Variants in CTNNA2 observed in about 807,000 individuals in gnomAD.
CTNNA2 encodes the protein catenin alpha-2.
In CTNNA2, 42 loss-of-function variants were observed where a neutral mutation model predicts 101.0. That is an observed-to-expected ratio of 0.42 (90% CI 0.32 to 0.54). CTNNA2 has a LOEUF of 0.54. Ranked by LOEUF, CTNNA2 falls within the 20% of genes least tolerant of loss-of-function variation. The pLI is 0.14. For missense variants in CTNNA2, 871 were observed against 1,223.1 expected (o/e 0.71, Z 4.29); for synonymous variants, 450 against 456.4 (o/e 0.99, Z 0.18).
intron 2 of CTNNA2, among the ~76,000 whole-genome samples, chr2:79,246,404 T>A (rs986901804): frequency 2.6e-5 from 4 of 152,230 alleles, no homozygotes; most frequent in African/African-American, 9.6e-5. Flanking sequence ...ATTTTGCAGC[T>A]GAGATTCTAT....
chr2:79,495,289 G>A (rs1316788124), intron 4 of CTNNA2, among the ~76,000 whole-genome samples: 1 of 152,114 alleles, frequency 6.6e-6, no homozygotes, highest in Non-Finnish European at 1.5e-5. Context: ...TTTGAATAAT[G>A]TAATTTTTAA....
intron 3 of CTNNA2, among the ~76,000 whole-genome samples, chr2:79,803,177 A>G (rs1175444449): frequency 1.3e-5 from 2 of 152,154 alleles, no homozygotes; most frequent in East Asian, 3.9e-4. Context: ...TTCTTCATTC[A>G]TACTCTTCTT....
intron 7 of CTNNA2, among the ~76,000 whole-genome samples, chr2:79,954,467 T>C (rs558123723): frequency 6.6e-6 from 1 of 152,330 alleles, no homozygotes; most frequent in Admixed American, 6.5e-5. Context: ...CATTTCTCTG[T>C]GTTACAGATG....
chr2:80,103,132 T>C (rs1036120139), intron 7 of CTNNA2, among the ~76,000 whole-genome samples: 4 of 152,148 alleles, frequency 2.6e-5, no homozygotes, highest in African/African-American at 9.7e-5. Context: ...TACCTCTTTA[T>C]TAGTCCACTC....
At chr2:80,547,987 C>T (rs1024838350) in intron 11 of CTNNA2, among the ~76,000 whole-genome samples, 9 of 152,084 alleles carry the variant, frequency 5.9e-5, no homozygotes, top group African/African-American at 1.7e-4. Flanking sequence ...CCATCGCGCC[C>T]AGCCCATTTC....
At chr2:80,024,646 T>C (rs1249708720) in intron 7 of CTNNA2, among the ~76,000 whole-genome samples, 1 of 152,188 alleles carries the variant, frequency 6.6e-6, no homozygotes, top group African/African-American at 2.4e-5. Context: ...GGGAGCAGGC[T>C]CTGTGTGGGC....
chr2:80,078,413 A>G (rs948339268), intron 7 of CTNNA2, among the ~76,000 whole-genome samples: 3 of 152,184 alleles, frequency 2.0e-5, no homozygotes, highest in East Asian at 3.9e-4. Flanking sequence ...CTCCAGGAAG[A>G]GGAAATAGCT....
At chr2:80,164,267 A>AT in intron 7 of CTNNA2, among the ~76,000 whole-genome samples, 1 of 151,368 alleles carries the variant, frequency 6.6e-6, no homozygotes, top group Non-Finnish European at 1.5e-5. Flanking sequence ...TTACTTGATC[A>AT]TTTTTTCTTT....
chr2:79,829,422 A>ACACACACAC (rs1553376366), intron 3 of CTNNA2, among the ~76,000 whole-genome samples: 14 of 123,978 alleles, frequency 1.1e-4, no homozygotes, highest in East Asian at 8.1e-4. Context: ...CACAGACACA[A>ACACACACAC]AGCCGGGCGA....
chr2:79,763,400 C>G (rs1672932645), intron 3 of CTNNA2, among the ~76,000 whole-genome samples: 1 of 152,114 alleles, frequency 6.6e-6, no homozygotes, highest in South Asian at 2.1e-4. Flanking sequence ...TTCTGTGTAG[C>G]TTTTTCTCCA....
chr2:80,306,403 T>C (rs1213669655), intron 7 of CTNNA2, among the ~76,000 whole-genome samples: 2 of 63,314 alleles, frequency 3.2e-5, no homozygotes, highest in African/African-American at 5.3e-5. Flanking sequence ...TCTTTTCTTT[T>C]CTTTCTTTCT....
At chr2:79,650,254 G>A (rs1419340352) in intron 1 of CTNNA2, among the ~76,000 whole-genome samples, 2 of 151,594 alleles carry the variant, frequency 1.3e-5, no homozygotes, top group African/African-American at 4.8e-5. Context: ...GTGGTTCTTA[G>A]GTAAGAGAGG....
intron 6 of CTNNA2, 35 bp from the exon 7 acceptor site, chr2:79,909,559 G>A: frequency 6.4e-7 from 1 of 1,554,196 alleles, no homozygotes; most frequent in Non-Finnish European, 8.8e-7. Context: ...TCTCTTCTCT[G>A]CTGATTTTTG....
At chr2:80,543,099 G>A (rs1327461475) in intron 9 of CTNNA2, among the ~76,000 whole-genome samples, 2 of 152,164 alleles carry the variant, frequency 1.3e-5, no homozygotes, top group East Asian at 3.9e-4. Context: ...GTTACACTAA[G>A]TTTACAAGCT....
At chr2:79,869,996 T>C (rs1444152158) in intron 5 of CTNNA2, 61 bp downstream of exon 5, 1 of 1,579,998 alleles carries the variant, frequency 6.3e-7, no homozygotes, top group African/African-American at 1.4e-5. Context: ...ACCCTGTAGC[T>C]TTTTAGGCCT....
chr2:79,892,764 T>G (rs1226569559), intron 6 of CTNNA2, among the ~76,000 whole-genome samples: 2 of 152,198 alleles, frequency 1.3e-5, no homozygotes, highest in African/African-American at 4.8e-5. Context: ...AGAAAGATAT[T>G]TGAGGCCATC....
At chr2:80,320,155 C>CT (rs951008072) in intron 7 of CTNNA2, among the ~76,000 whole-genome samples, 44 of 152,284 alleles carry the variant, frequency 2.9e-4, no homozygotes, top group African/African-American at 1.0e-3. Context: ...GATTAATAGT[C>CT]TTGCCTCATA....
At chr2:79,563,161 G>GTGTATATATATATATATATA (rs1280707294) in intron 1 of CTNNA2, among the ~76,000 whole-genome samples, 1 of 78,616 alleles carries the variant, frequency 1.3e-5, no homozygotes, top group Admixed American at 1.1e-4. Flanking sequence ...ATAAAGATGT[G>GTGTATATATATATATATATA]TATATATATA....
At chr2:79,391,882 G>C (rs1181499445) in intron 4 of CTNNA2, among the ~76,000 whole-genome samples, 2 of 152,086 alleles carry the variant, frequency 1.3e-5, no homozygotes, top group African/African-American at 4.8e-5. Flanking sequence ...CCAAAGGATT[G>C]GTTTCTCCTG....
Sources: allele counts gnomAD v4.1 joint callset (sites outside exome capture counted in the v4.1 genomes callset), GRCh38; gene constraint gnomAD v4.1.1; transcripts MANE v1.5; gene names NCBI Gene and HGNC (gene_info 2026-07-23, HGNC 2026-07-21).